MCCC1: variants seen among roughly 807,000 people sequenced by gnomAD.
MCCC1 encodes methylcrotonoyl-CoA carboxylase subunit alpha, mitochondrial.
Under a neutral mutation model 83.8 loss-of-function variants are expected in MCCC1, and 64 were observed. The observed-to-expected ratio is 0.76, with a 90% CI of 0.62 to 0.94. The LOEUF is 0.94. Among genes scored for constraint, MCCC1 ranks in the 40% least tolerant of loss-of-function variants. The probability of loss-of-function intolerance (pLI) is 0.00; values close to 1 mark genes in which losing one functional copy is unlikely to be tolerated. For missense variants in MCCC1, 807 were observed against 904.7 expected (o/e 0.89, Z 1.39); for synonymous variants, 322 against 315.4 (o/e 1.02, Z -0.22).
chr3:183,037,396 G>A lies in MCCC1; in HGVS notation c.1416C>T (p.Asn472=), dbSNP rs1560219940. 1.9e-6 allele frequency: 3 copies of A among 1,614,146 alleles called. No homozygotes were observed. The highest frequency in any genetic ancestry group is 2.7e-5 in the African/African-American group (2 of 75,034). The change falls in exon 13 of 19, where the codon AAC becomes AAT. Residue 472 remains asparagine, a synonymous_variant. Coordinates refer to ENST00000265594, the MANE Select transcript of MCCC1 (RefSeq NM_020166.5). ...CTTCAAACTCTGGGTGGCCAGACAG[G>A]TTGAGTAAGAAGTCAATGTTGGTGT... ...GLHTNIDFLL[N]LSGHPEFEAG...
At position 183,071,337 on chromosome 3, in the gene MCCC1, G is replaced by C; in HGVS notation, c.512C>G (p.Ala171Gly). ...GIKSTSKSIM[A>G]AAGVPVVEGY... ...CTCCACAACAGGTACTCCAGCAGCAGCCATTATGGATTTGGATGTGCTTTA... is the reference window on the plus strand; with the variant it reads ...CTCCACAACAGGTACTCCAGCAGCACCCATTATGGATTTGGATGTGCTTTA... Residue 171 changes from alanine (A) to glycine (G), a missense_variant, in exon 6 of 19, where the codon GCT becomes GGT. Transcript: ENST00000265594. 6.2e-7 allele frequency: 1 copy of C among 1,614,182 alleles called. No individual in the cohort carries two copies. The highest frequency in any genetic ancestry group is 8.5e-7 in the Non-Finnish European group (1 of 1,180,024).
upstream of MCCC1, among the ~76,000 whole-genome samples, chr3:183,101,588 A>G (rs1719306212): frequency 6.6e-6 from 1 of 152,162 alleles, no homozygotes; most frequent in African/African-American, 2.4e-5. Flanking sequence ...TTGTAAACGC[A>G]CCAATCAGCA....
chr3:183,095,814 C>T (rs60754671), intron 1 of MCCC1, among the ~76,000 whole-genome samples: 3,710 of 152,086 alleles, frequency 0.024, 132 homozygotes, highest in African/African-American at 0.071. Context: ...TTGAAGGTAC[C>T]TCTCAGATTT....
upstream of MCCC1, among the ~76,000 whole-genome samples, chr3:183,101,508 CTG>C (rs1364835437): frequency 6.6e-6 from 1 of 152,210 alleles, no homozygotes; most frequent in African/African-American, 2.4e-5. Flanking sequence ...CTTGGAGAAC[CTG>C]TGTGTCGAAA....
chr3:183,104,154 G>A (rs1251357610), upstream of MCCC1, among the ~76,000 whole-genome samples: 2 of 152,360 alleles, frequency 1.3e-5, no homozygotes, highest in Admixed American at 6.5e-5. Context: ...CAAGCTGAGG[G>A]AGCCAGCTCC....
chr3:183,035,726 T>C (rs994396726), intron 13 of MCCC1, among the ~76,000 whole-genome samples: 1 of 151,854 alleles, frequency 6.6e-6, no homozygotes, highest in African/African-American at 2.4e-5. Context: ...AAGAGAAAAA[T>C]AGATCAGATT....
Position 183,086,707 on chromosome 3 carries a change from TCTTGGCCA to T in MCCC1, c.347_354del (p.Val116AspfsTer22). ...ACAACCCTCACCTGTGCAGCAGAGG[TCTTGGCCA>T]CTTGAATGATTTTCTCCATAGATAG... On this transcript the variant is annotated frameshift_variant, in exon 4 of 19. Coordinates refer to ENST00000265594, the MANE Select transcript of MCCC1 (RefSeq NM_020166.5). LOFTEE classifies it high-confidence loss of function. The T allele has an allele frequency of 6.2e-7, 1 of 1,614,110 alleles. No homozygotes were observed. Among genetic ancestry groups the T allele is most frequent in the Non-Finnish European group, 8.5e-7 (1 of 1,180,004 alleles).
At position 183,057,300 on chromosome 3, in the gene MCCC1, A is replaced by G. The variant is rs372452864; in HGVS notation, c.873+11T>C. The stretch of plus-strand genomic sequence containing the variant: ...CGGAGAAGCTTACAAATTTCTTTCC[A>G]AGGTCCTTACCGCTGGGGCCTCCTC... On this transcript the variant is annotated intron_variant, in intron 8 of 18. Transcript: ENST00000265594. The G allele has an allele frequency of 1.9e-6, 3 of 1,581,592 alleles. No individual in the cohort carries two copies. In the African/African-American group the frequency reaches 4.0e-5, roughly 21 times the overall value.
intron 14 of MCCC1, among the ~76,000 whole-genome samples, chr3:183,028,579 G>A (rs551227250): frequency 3.0e-4 from 46 of 152,292 alleles, no homozygotes; most frequent in Non-Finnish European, 5.1e-4. Flanking sequence ...GAAGGAGGTC[G>A]AATTATCAAC....
chr3:183,077,540 G>A (rs530621163), intron 4 of MCCC1, among the ~76,000 whole-genome samples: 54 of 152,194 alleles, frequency 3.5e-4, no homozygotes, highest in Admixed American at 1.1e-3. Context: ...AACTTCTTTG[G>A]TGAAGGATCT....
chr3:183,100,554 ACT>A (rs961896365), upstream of MCCC1, among the ~76,000 whole-genome samples: 5 of 152,254 alleles, frequency 3.3e-5, no homozygotes, highest in South Asian at 2.1e-4. Flanking sequence ...AGTCTTCCAA[ACT>A]CTTTTTAAAA....
chr3:183,068,460 G>C (rs1716416198), intron 7 of MCCC1, among the ~76,000 whole-genome samples: 1 of 152,154 alleles, frequency 6.6e-6, no homozygotes, highest in Admixed American at 6.6e-5. Context: ...AAAAGGGGAG[G>C]CAAGAATACT....
intron 3 of MCCC1, among the ~76,000 whole-genome samples, chr3:183,091,256 G>A (rs1206211335): frequency 6.6e-6 from 1 of 152,078 alleles, no homozygotes; most frequent in African/African-American, 2.4e-5. Flanking sequence ...TATGCTTGGA[G>A]TTATTTCTGG....
chr3:183,089,658 G>T (rs967661777), intron 3 of MCCC1, among the ~76,000 whole-genome samples: 1 of 151,966 alleles, frequency 6.6e-6, no homozygotes, highest in Non-Finnish European at 1.5e-5. Context: ...ATAGGTGGGA[G>T]GGGGTGGAAA....
chr3:183,078,795 G>A (rs1177275307), intron 4 of MCCC1, among the ~76,000 whole-genome samples: 1 of 152,184 alleles, frequency 6.6e-6, no homozygotes, highest in African/African-American at 2.4e-5. Context: ...ACATATCCCA[G>A]ACTGGGCAAT....
intron 3 of MCCC1, chr3:183,090,947 A>G (rs1271320211): frequency 2.2e-6 from 1 of 456,154 alleles, no homozygotes; most frequent in Admixed American, 2.4e-5. Context: ...TTCGATGGGA[A>G]AGATGGATGC....
chr3:183,060,887 C>T (rs1715779528), intron 7 of MCCC1, among the ~76,000 whole-genome samples: 1 of 152,122 alleles, frequency 6.6e-6, no homozygotes, highest in Admixed American at 6.5e-5. Context: ...TATCCATGTC[C>T]CTACAAAGGA....
In MCCC1 at chr3:183,055,201, A is replaced by G. The variant is rs185667496; in HGVS notation, c.873+2110T>C. Among the ~76,000 whole-genome samples, 482 of 151,882 alleles carry G rather than the reference A, an allele frequency of 3.2e-3. 2 individuals are homozygous for G. Among genetic ancestry groups the G allele is most frequent in the African/African-American group, 0.011 (454 of 41,406 alleles). On this transcript the variant is annotated intron_variant, in intron 8 of 18. Transcript: ENST00000265594. The stretch of plus-strand genomic sequence containing the variant: ...GGTGGATCACGAGGTCAGGAGTTCA[A>G]TATCAGCCTGGCCAAGATGGTGAAA...
intron 11 of MCCC1, among the ~76,000 whole-genome samples, chr3:183,040,240 T>C (rs1713965979): frequency 6.6e-6 from 1 of 152,144 alleles, no homozygotes; most frequent in Non-Finnish European, 1.5e-5. Context: ...TGCCAATTTA[T>C]TTTTAAGAAG....
Sources: allele counts gnomAD v4.1 joint callset (sites outside exome capture counted in the v4.1 genomes callset), GRCh38; gene constraint gnomAD v4.1.1; transcripts MANE v1.5; gene names NCBI Gene and HGNC (gene_info 2026-07-23, HGNC 2026-07-21).